The following TMEM25 variants were observed in gnomAD, a reference collection of about 807,000 sequenced individuals.
TMEM25 encodes 0610039J01Rik.
A neutral mutation model predicts 37.0 loss-of-function variants in TMEM25; 36 were observed. The ratio of observed to expected loss-of-function variants is 0.97; its 90% CI spans 0.75 to 1.28. The LOEUF (loss-of-function observed/expected upper bound fraction) is 1.28. Ranked by LOEUF, TMEM25 falls within the 50% of genes most tolerant of loss-of-function variation. The probability of loss-of-function intolerance (pLI) is 0.00; values close to 1 mark genes in which losing one functional copy is unlikely to be tolerated. For synonymous variants in TMEM25, 197 were observed against 203.7 expected, an observed-to-expected ratio of 0.97 and a Z score of 0.28; for missense variants, 444 against 477.9, an observed-to-expected ratio of 0.93 and a Z score of 0.66.
intron 8 of TMEM25, chr11:118,545,051 A>G (rs1310271887): frequency 1.5e-6 from 2 of 1,298,544 alleles, no homozygotes; most frequent in Admixed American, 1.8e-5. Flanking sequence ...TATTAGGGAT[A>G]TGCTAATTGC....
intron 1 of TMEM25, chr11:118,531,437 T>G (rs979085057): frequency 4.5e-5 from 19 of 420,384 alleles, no homozygotes; most frequent in Non-Finnish European, 6.1e-5. Flanking sequence ...GGCGATCCCT[T>G]TGGGGGAGGG....
intron 1 of TMEM25, chr11:118,531,543 A>G: frequency 1.8e-6 from 1 of 559,048 alleles, no homozygotes; most frequent in South Asian, 2.5e-5. Flanking sequence ...GCCTCTTTGT[A>G]TTGTAGCCTG....
chr11:118,531,656 G>A (rs1194689032), intron 1 of TMEM25, 119 bp from the exon 2 acceptor site: 12 of 793,020 alleles, frequency 1.5e-5, no homozygotes, highest in African/African-American at 1.0e-4. Context: ...GCCACTGGGG[G>A]CTGGTCTACA....
intron 8 of TMEM25, chr11:118,545,393 CT>C: frequency 6.3e-7 from 1 of 1,581,816 alleles, no homozygotes; most frequent in South Asian, 1.1e-5. Flanking sequence ...AAGTCAACCC[CT>C]GATGCTTGGC....
At position 118,533,001 on chromosome 11, in the gene TMEM25, G is replaced by T. The variant is rs113919895; in HGVS notation, c.467G>T (p.Arg156Leu). The change falls in exon 4 of 9, where the codon CGT becomes CTT. Residue 156 changes from arginine (R) to leucine (L), a missense_variant. By Grantham distance (102) the Arg-to-Leu change is moderately radical. Coordinates refer to ENST00000313236, the MANE Select transcript of TMEM25 (RefSeq NM_032780.4). ...GLLVVLFALVRANPPANVTWI... is the reference protein window; with the variant it reads ...GLLVVLFALVLANPPANVTWI... ...CTGGTTGTCCTGTTTGCCCTGGTGC[G>T]TGCCAACCCGCCGGCCAATGTCACC... The T allele has an allele frequency of 2.6e-5, 42 of 1,614,250 alleles. No homozygotes were observed. The African/African-American group carries it at 4.9e-4, about 19-fold the overall frequency.
chr11:118,532,885 G>C, intron 3 of TMEM25, 32 bp from the exon 4 acceptor site: 1 of 1,591,528 alleles, frequency 6.3e-7, no homozygotes, highest in Non-Finnish European at 8.6e-7. Flanking sequence ...AGGGGCTGTG[G>C]TGAGAGCATA....
chr11:118,539,392 T>C (rs1951549735), downstream of TMEM25, among the ~76,000 whole-genome samples: 2 of 152,092 alleles, frequency 1.3e-5, no homozygotes, highest in African/African-American at 4.8e-5. Context: ...GGTCTCGATC[T>C]CTTGACCTCG....
At chr11:118,536,229 T>C (rs1555063452), downstream of TMEM25, among the ~76,000 whole-genome samples, 2 of 150,898 alleles carry the variant, frequency 1.3e-5, no homozygotes, top group Admixed American at 1.3e-4. Context: ...GTTTTGCTCA[T>C]GTTGCCCAGG....
chr11:118,541,419 G>A (rs544708363), intron 8 of TMEM25, among the ~76,000 whole-genome samples: 13 of 140,696 alleles, frequency 9.2e-5, no homozygotes, highest in African/African-American at 2.7e-4. Context: ...CCAAGATTGC[G>A]CCACTGCACT....
chr11:118,540,845 C>T (rs1951568829), intron 8 of TMEM25, among the ~76,000 whole-genome samples: 1 of 152,126 alleles, frequency 6.6e-6, no homozygotes, highest in Admixed American at 6.5e-5. Context: ...AGTGAAAGGC[C>T]AAACCCAAAA....
At chr11:118,541,740 C>T (rs1951581940) in intron 8 of TMEM25, among the ~76,000 whole-genome samples, 1 of 151,856 alleles carries the variant, frequency 6.6e-6, no homozygotes, top group African/African-American at 2.4e-5. Flanking sequence ...CATGTGTGCT[C>T]CATGTTTAGC....
chr11:118,535,218 C>T lies in TMEM25; in HGVS notation c.*638C>T, dbSNP rs1286882639. 2.7e-6 allele frequency: 3 copies of T among 1,112,260 alleles called. No individual in the cohort carries two copies. Among genetic ancestry groups the T allele is most frequent in the Non-Finnish European group, 3.3e-6 (3 of 911,354 alleles). 68.9% of individuals were successfully genotyped at this position (1,112,260 alleles called of 1,614,324 possible). On this transcript the variant is annotated 3_prime_UTR_variant, in exon 9 of 9. Transcript: ENST00000313236. ...CTCCTCTTGGGAATTCTAGGTTACA[C>T]GTTGGACCTTCTCTACTACTTCACT...
intron 1 of TMEM25, 86 bp from the exon 2 acceptor site, chr11:118,531,689 T>C (rs2135359603): frequency 2.8e-6 from 3 of 1,063,958 alleles, no homozygotes; most frequent in Non-Finnish European, 4.0e-6. Context: ...TACATGGTTC[T>C]TTTTGTTTCT....
chr11:118,534,546 T>C lies in TMEM25; in HGVS notation c.1067T>C (p.Val356Ala), dbSNP rs147480435. 2.4e-5 allele frequency: 38 copies of C among 1,614,080 alleles called. No individual in the cohort carries two copies. The African/African-American group carries it at 4.7e-4, about 20-fold the overall frequency. ...CCAGTGCTGGGCTATATCTATCGAG[T>C]GTCCAGCGTGAGCAGTGATGAGATC... ...RLPVLGYIYRVSSVSSDEIWL is the reference protein window; with the variant it reads ...RLPVLGYIYRASSVSSDEIWL Residue 356 changes from valine to alanine, a missense_variant, in exon 9 of 9, where the codon GTG becomes GCG. By Grantham distance (64) the Val-to-Ala change is moderately conservative (BLOSUM62 0). Transcript: ENST00000313236. The surrounding 1 kb of genome is among the most constrained non-coding windows in gnomAD (Gnocchi z 4.6).
Position 118,531,249 on chromosome 11 carries a change from T to G in TMEM25, c.-28+15T>G. On this transcript the variant is annotated intron_variant, in intron 1 of 8. Coordinates refer to ENST00000313236, the MANE Select transcript of TMEM25 (RefSeq NM_032780.4). The stretch of plus-strand genomic sequence containing the variant: ...GAGGGAGCCAGGTGAGCCGCCCCGG[T>G]GGCGGGGGGCGGGGGCGGGATGCTC... 5.2e-6 allele frequency: 2 copies of G among 384,452 alleles called. No individual in the cohort carries two copies. Among genetic ancestry groups the G allele is most frequent in the Admixed American group, 4.8e-5 (1 of 20,834 alleles). The allele number at this position is 384,452 out of a possible 1,614,324, so 23.8% of individuals were successfully genotyped here. A position where few individuals can be genotyped will look rare whatever the true frequency, so the allele number is the denominator to read the frequency against.
chr11:118,540,238 T>C (rs915265047), downstream of TMEM25, among the ~76,000 whole-genome samples: 6 of 151,874 alleles, frequency 4.0e-5, no homozygotes, highest in African/African-American at 1.2e-4. Flanking sequence ...GCCTCCCCAC[T>C]AGCTGGGACT....
intron 3 of TMEM25, 115 bp from the exon 4 acceptor site, chr11:118,532,802 C>T (rs1303898690): frequency 4.9e-6 from 7 of 1,430,324 alleles, no homozygotes; most frequent in East Asian, 4.6e-5. Flanking sequence ...TCCTGTTCCT[C>T]AGCATCCCCT....
At position 118,533,862 on chromosome 11, in the gene TMEM25, T is replaced by A. The variant is rs1555061304; in HGVS notation, c.811T>A (p.Ser271Thr). ...CATGGTTTCTTTCTCCACAGGCCCC[T>A]CCCGGCACCCATCTCTGATATCAAG... ...CRKEKKTKGP[S>T]RHPSLISSDS... The change falls in exon 6 of 9, where the codon TCC (serine) becomes ACC (threonine). Residue 271 changes from serine to threonine, a missense_variant. By Grantham distance (58) the Ser-to-Thr change is moderately conservative. Transcript: ENST00000313236. The A allele has an allele frequency of 6.2e-7, 1 of 1,614,026 alleles. No homozygotes were observed. Among genetic ancestry groups the A allele is most frequent in the East Asian group, 2.2e-5 (1 of 44,866 alleles).
At position 118,531,231 on chromosome 11, in the gene TMEM25, C is replaced by G. The variant is rs533547974; in HGVS notation, c.-31C>G. On this transcript the variant is annotated 5_prime_UTR_variant, in exon 1 of 9. Coordinates refer to ENST00000313236, the MANE Select transcript of TMEM25 (RefSeq NM_032780.4). The stretch of plus-strand genomic sequence containing the variant: ...GCTCCGGCGGCGCTCGGGGAGGGAG[C>G]CAGGTGAGCCGCCCCGGTGGCGGGG... 92 of 418,616 alleles carry G rather than the reference C, an allele frequency of 2.2e-4. No homozygotes were observed. Among genetic ancestry groups the G allele is most frequent in the African/African-American group, 1.6e-3 (73 of 46,806 alleles). The allele number at this position is 418,616 out of a possible 1,614,324, so 25.9% of individuals were successfully genotyped here.
Sources: gnomAD v4.1 joint callset for allele counts (sites outside exome capture counted in the v4.1 genomes callset) on GRCh38, gnomAD v4.1.1 for gene constraint, Gnocchi (gnomAD v3.1) non-coding constraint, MANE v1.5 for transcripts, NCBI Gene and HGNC (gene_info 2026-07-23, HGNC 2026-07-21) for gene names.